DAB1: variants seen among roughly 807,000 people sequenced by gnomAD.
The protein encoded by DAB1 is disabled homolog 1.
DAB1 carries 15 observed loss-of-function variants against 64.6 expected under a neutral mutation model. The ratio of observed to expected loss-of-function variants is 0.23; its 90% CI spans 0.16 to 0.36. The LOEUF (loss-of-function observed/expected upper bound fraction) is 0.36, where lower values mean the gene tolerates loss of function less well. DAB1 is among the 10% of genes least tolerant of loss of function. The pLI, the probability that DAB1 is intolerant of heterozygous loss-of-function variation, is 1.00. For synonymous variants in DAB1, 235 were observed against 251.9 expected (o/e 0.93, Z 0.64); for missense variants, 596 against 706.7 (o/e 0.84, Z 1.78).
At chr1:57,393,694 A>G (rs1415572181) in intron 1 of DAB1, among the ~76,000 whole-genome samples, 1 of 152,208 alleles carries the variant, frequency 6.6e-6, no homozygotes, top group African/African-American at 2.4e-5. Flanking sequence ...GATCTGGGCC[A>G]GAAAACTACC....
intron 4 of DAB1, among the ~76,000 whole-genome samples, chr1:58,231,026 T>C (rs1659752954): frequency 6.6e-6 from 1 of 152,218 alleles, no homozygotes; most frequent in African/African-American, 2.4e-5. Flanking sequence ...CACTTTGCAA[T>C]GGGGACGATT....
At chr1:57,294,894 A>G (rs555591028) in intron 1 of DAB1, among the ~76,000 whole-genome samples, 2 of 152,280 alleles carry the variant, frequency 1.3e-5, no homozygotes, top group East Asian at 1.9e-4. Flanking sequence ...ATATTACTCA[A>G]TTGTATAAAG....
At chr1:57,297,775 A>C (rs1673322423) in intron 1 of DAB1, among the ~76,000 whole-genome samples, 1 of 152,140 alleles carries the variant, frequency 6.6e-6, no homozygotes, top group Admixed American at 6.6e-5. Flanking sequence ...TTTTCTCCTA[A>C]GTTCAAACCC....
intron 7 of DAB1, among the ~76,000 whole-genome samples, chr1:57,617,014 G>A (rs1645797807): frequency 2.0e-5 from 3 of 152,190 alleles, no homozygotes; most frequent in Non-Finnish European, 2.9e-5. Flanking sequence ...ACCTGTAAAT[G>A]AGCTGATGTG....
At chr1:58,406,281 T>C (rs61201621) in intron 3 of DAB1, among the ~76,000 whole-genome samples, 1,917 of 152,274 alleles carry the variant, frequency 0.013, 41 homozygotes, top group African/African-American at 0.043. Context: ...GAATTGCCTT[T>C]GAGTTTAAAT....
chr1:57,929,792 C>T (rs1295335775), intron 5 of DAB1, among the ~76,000 whole-genome samples: 1 of 152,094 alleles, frequency 6.6e-6, no homozygotes, highest in Non-Finnish European at 1.5e-5. Flanking sequence ...ATTATAACAA[C>T]CCACTCTCCC....
intron 3 of DAB1, among the ~76,000 whole-genome samples, chr1:58,476,261 C>T (rs564371194): frequency 1.3e-5 from 2 of 151,946 alleles, no homozygotes; most frequent in South Asian, 4.2e-4. Context: ...TTTGATAACA[C>T]CAGAGATCAC....
At chr1:58,488,698 C>T (rs1645619810) in intron 3 of DAB1, among the ~76,000 whole-genome samples, 1 of 152,204 alleles carries the variant, frequency 6.6e-6, no homozygotes, top group Admixed American at 6.5e-5. Flanking sequence ...GTATCTCCTG[C>T]CTCGGCCTCC....
intron 7 of DAB1, among the ~76,000 whole-genome samples, chr1:57,536,926 G>A (rs1644736975): frequency 6.6e-6 from 1 of 152,324 alleles, no homozygotes; most frequent in African/African-American, 2.4e-5. Flanking sequence ...ACCAGATGCT[G>A]GGGATGCAGA....
intron 9 of DAB1, among the ~76,000 whole-genome samples, chr1:57,052,227 GC>G (rs1649265166): frequency 6.6e-6 from 1 of 152,122 alleles, no homozygotes; most frequent in Non-Finnish European, 1.5e-5. Context: ...TTTTTCTACA[GC>G]AAAATCAACC....
At chr1:58,117,508 C>A (rs978023596) in intron 5 of DAB1, among the ~76,000 whole-genome samples, 1 of 152,304 alleles carries the variant, frequency 6.6e-6, no homozygotes, top group Middle Eastern at 3.4e-3. Flanking sequence ...TGCTCATGTC[C>A]AAATCCTGGC....
intron 7 of DAB1, among the ~76,000 whole-genome samples, chr1:57,633,581 T>C (rs1646017254): frequency 6.6e-6 from 1 of 152,192 alleles, no homozygotes; most frequent in Non-Finnish European, 1.5e-5. Context: ...GTGTCCCATA[T>C]ATTTTCTAAG....
chr1:57,478,771 T>G (rs1249010556), intron 7 of DAB1, among the ~76,000 whole-genome samples: 1 of 151,788 alleles, frequency 6.6e-6, no homozygotes, highest in East Asian at 1.9e-4. Context: ...TTTTTTTTTT[T>G]TGTATTTTTT....
chr1:58,264,561 C>T (rs1035538432), intron 4 of DAB1, among the ~76,000 whole-genome samples: 2 of 152,216 alleles, frequency 1.3e-5, no homozygotes, highest in Admixed American at 6.5e-5. Flanking sequence ...CTTTCCTCCA[C>T]GTGATGATTT....
chr1:57,341,212 G>A (rs544621947), intron 1 of DAB1, among the ~76,000 whole-genome samples: 2 of 152,136 alleles, frequency 1.3e-5, no homozygotes, highest in Non-Finnish European at 2.9e-5. Context: ...ACCCCCATGT[G>A]CCATCTCTAA....
chr1:58,045,575 T>A (rs1298112858), intron 5 of DAB1, among the ~76,000 whole-genome samples: 1 of 152,184 alleles, frequency 6.6e-6, no homozygotes, highest in African/African-American at 2.4e-5. Context: ...AGTAGATGAA[T>A]TCCTAACCTG....
chr1:57,301,539 GA>G (rs1673658585), intron 1 of DAB1, among the ~76,000 whole-genome samples: 2 of 152,160 alleles, frequency 1.3e-5, no homozygotes, highest in Admixed American at 1.3e-4. Flanking sequence ...CTAGCAGAGA[GA>G]AAAGACAAGT....
chr1:57,110,878 A>T (rs564575), intron 4 of DAB1, among the ~76,000 whole-genome samples: 74 of 151,852 alleles, frequency 4.9e-4, no homozygotes, highest in Non-Finnish European at 9.3e-4. Context: ...CTGAAATCAC[A>T]CATCAGAAAG....
At chr1:58,126,577 G>C (rs547465717) in intron 5 of DAB1, among the ~76,000 whole-genome samples, 5 of 151,608 alleles carry the variant, frequency 3.3e-5, no homozygotes, top group Non-Finnish European at 7.4e-5. Context: ...TCTAGCATTA[G>C]GTATATCTCC....
Sources: allele counts gnomAD v4.1 joint callset (sites outside exome capture counted in the v4.1 genomes callset), GRCh38; gene constraint gnomAD v4.1.1; transcripts MANE v1.5; gene names NCBI Gene and HGNC (gene_info 2026-07-23, HGNC 2026-07-21).